Variants in DPM2 observed in about 807,000 individuals in gnomAD.
The protein encoded by DPM2 is dolichyl-phosphate mannosyltransferase subunit 2, regulatory.
A neutral mutation model predicts 12.1 loss-of-function variants in DPM2; 8 were observed. The observed-to-expected ratio is 0.66, with a 90% confidence interval of 0.39 to 1.19. The LOEUF is 1.19. Ranked by LOEUF, DPM2 falls within the 50% of genes most tolerant of loss-of-function variation. The pLI, the probability that DPM2 is intolerant of heterozygous loss-of-function variation, is 0.01. For missense variants in DPM2, 93 were observed against 102.5 expected (o/e 0.91, Z 0.40); for synonymous variants, 38 against 44.7 (o/e 0.85, Z 0.60).
Position 127,935,695 on chromosome 9 carries a change from G to C in DPM2, c.*27C>G. ...GTGCTGGAGGGGAAGCAGAGAAGGG[G>C]CTGGCAGCCTCATCCCTGCGGGACC... On this transcript the variant is annotated 3_prime_UTR_variant, in exon 4 of 4. Coordinates refer to ENST00000314392, the MANE Select transcript of DPM2 (RefSeq NM_003863.4). The C allele has an allele frequency of 6.2e-7, 1 of 1,612,458 alleles. No individual in the cohort carries two copies. The highest frequency in any genetic ancestry group is 8.5e-7 in the Non-Finnish European group (1 of 1,178,920).
intron 3 of DPM2, chr9:127,936,283 C>A (rs1267739436): frequency 7.6e-6 from 11 of 1,441,956 alleles, no homozygotes; most frequent in African/African-American, 1.4e-5. Flanking sequence ...GAATTAGAAG[C>A]CAGGGTGACA....
At chr9:127,937,751 G>T in intron 1 of DPM2, 67 bp downstream of exon 1, 1 of 1,599,450 alleles carries the variant, frequency 6.3e-7, no homozygotes, top group Admixed American at 1.7e-5. Flanking sequence ...CCATGCCCCA[G>T]CTCCTGAGCA....
At chr9:127,936,421 G>A (rs774869483) in intron 3 of DPM2, 132 bp downstream of exon 3, 22 of 1,595,588 alleles carry the variant, frequency 1.4e-5, no homozygotes, top group Non-Finnish European at 1.8e-5. Context: ...AGCCTCGAAG[G>A]ATGAACAGGA....
chr9:127,936,108 C>T (rs1049072418), intron 3 of DPM2: 4 of 625,906 alleles, frequency 6.4e-6, no homozygotes, highest in Non-Finnish European at 1.1e-5. Flanking sequence ...CTACACCTCA[C>T]CCACCCACCC....
Position 127,935,195 on chromosome 9 carries a change from GC to G in DPM2, c.*526del. The G allele has an allele frequency of 5.8e-6, 1 of 172,366 alleles. No individual in the cohort carries two copies. The highest frequency in any genetic ancestry group is 1.3e-4 in the South Asian group (1 of 7,468). The allele number at this position is 172,366 out of a possible 1,614,324, so 10.7% of individuals were successfully genotyped here. ...GTGAGGAGAGGTCAGTCGGTCAGCG[GC>G]CCGGGGTGGCTGCCCTGAGCCCCAG... On this transcript the variant is annotated 3_prime_UTR_variant, in exon 4 of 4. Coordinates refer to ENST00000314392, the MANE Select transcript of DPM2 (RefSeq NM_003863.4).
chr9:127,936,116 C>CCCAT (rs749669049), intron 3 of DPM2: 13 of 642,598 alleles, frequency 2.0e-5, no homozygotes, highest in Non-Finnish European at 3.3e-5. Flanking sequence ...CACCCACCCA[C>CCCAT]CCATCCATCC....
chr9:127,935,954 C>A, intron 3 of DPM2, 174 bp from the exon 4 acceptor site: 1 of 637,064 alleles, frequency 1.6e-6, no homozygotes, highest in Non-Finnish European at 2.8e-6. Context: ...TACTCACATT[C>A]ACTCAACAAA....
In DPM2 at chr9:127,937,416, A is replaced by T. The variant is rs1470555591; in HGVS notation, c.93+18T>A. 6.2e-7 allele frequency: 1 copy of T among 1,603,174 alleles called. No homozygotes were observed. Among genetic ancestry groups the T allele is most frequent in the Admixed American group, 1.7e-5 (1 of 59,408 alleles). ...AGGGCTCGGGGAAGGTGAGCAGCGG[A>T]CGGGGAGAATGACATACCAAGAGAA... On this transcript the variant is annotated intron_variant, in intron 2 of 3. Coordinates refer to ENST00000314392, the MANE Select transcript of DPM2 (RefSeq NM_003863.4).
Position 127,935,339 on chromosome 9 carries a change from G to A in DPM2, c.*383C>T. 1 of 305,484 alleles carries A rather than the reference G, an allele frequency of 3.3e-6. No homozygotes were observed. The highest frequency in any genetic ancestry group is 3.1e-5 in the South Asian group (1 of 32,048). The allele number at this position is 305,484 out of a possible 1,614,324, so 18.9% of individuals were successfully genotyped here. On this transcript the variant is annotated 3_prime_UTR_variant, in exon 4 of 4. Transcript: ENST00000314392. ...CCTTGGTGGAGGAAGAGAAGTCAGA[G>A]AGGTCACACATGTGGCCTTAGAACC...
At chr9:127,937,301 T>TA (rs1226423531) in intron 2 of DPM2, 133 bp downstream of exon 2, 50 of 653,140 alleles carry the variant, frequency 7.7e-5, no homozygotes, top group Non-Finnish European at 1.9e-5. Context: ...ATCTTCCTCA[T>TA]AGAGTTGTTC....
At chr9:127,937,695 G>T in intron 1 of DPM2, 123 bp downstream of exon 1, 2 of 1,369,666 alleles carry the variant, frequency 1.5e-6, no homozygotes, top group Non-Finnish European at 2.1e-6. Context: ...CCGCGTTGTC[G>T]TCCGTACAAT....
chr9:127,937,280 G>T (rs187613066), intron 2 of DPM2, 154 bp downstream of exon 2: 3 of 584,840 alleles, frequency 5.1e-6, no homozygotes, highest in Non-Finnish European at 6.1e-6. Context: ...ATAAAATGCG[G>T]TACCACTGGC....
chr9:127,936,374 C>T lies in DPM2; in HGVS notation c.196+179G>A, dbSNP rs745958634. Reference sequence around the variant, plus strand: ...AGACAGGTCATTGGAGTCCAAAAAGCCTGGGGCACCAGGAAACCCAGAGGT... The same window carrying T: ...AGACAGGTCATTGGAGTCCAAAAAGTCTGGGGCACCAGGAAACCCAGAGGT... On this transcript the variant is annotated intron_variant, in intron 3 of 3. Coordinates refer to ENST00000314392, the MANE Select transcript of DPM2 (RefSeq NM_003863.4). The T allele has an allele frequency of 1.9e-6, 3 of 1,542,560 alleles. No individual in the cohort carries two copies. The South Asian group carries it at 3.6e-5, about 19-fold the overall frequency.
intron 2 of DPM2, chr9:127,936,899 C>CA (rs1831516339): frequency 2.5e-6 from 1 of 407,500 alleles, no homozygotes; most frequent in African/African-American, 2.1e-5. Flanking sequence ...GAGAACAGGG[C>CA]ACAAGAGACC....
rs1831490608 is a variant in DPM2, at chr9:127,935,563, C to G, written c.*159G>C. The G allele has an allele frequency of 5.5e-6, 4 of 723,656 alleles. No homozygotes were observed. The highest frequency in any genetic ancestry group is 7.1e-6 in the Non-Finnish European group (3 of 424,760). 44.8% of individuals were successfully genotyped at this position (723,656 alleles called of 1,614,324 possible). A position where few individuals can be genotyped will look rare whatever the true frequency, so the allele number is the denominator to read the frequency against. On this transcript the variant is annotated 3_prime_UTR_variant, in exon 4 of 4. Transcript: ENST00000314392. ...GGAAGTGGGAGTCGGGGAGGGGGCT[C>G]CAGTCAGTCAGGTGTAAGCTCCATG...
In DPM2 at chr9:127,937,417, C is replaced by G; in HGVS notation, c.93+17G>C. 6.2e-7 allele frequency: 1 copy of G among 1,602,804 alleles called. No homozygotes were observed. Among genetic ancestry groups the G allele is most frequent in the Non-Finnish European group, 8.5e-7 (1 of 1,171,758 alleles). ...GGGCTCGGGGAAGGTGAGCAGCGGA[C>G]GGGGAGAATGACATACCAAGAGAAT... On this transcript the variant is annotated intron_variant, in intron 2 of 3. Coordinates refer to ENST00000314392, the MANE Select transcript of DPM2 (RefSeq NM_003863.4).
chr9:127,935,522 C>G lies in DPM2; in HGVS notation c.*200G>C. On this transcript the variant is annotated 3_prime_UTR_variant, in exon 4 of 4. Transcript: ENST00000314392. ...GGTGACCGGAGTCTTCCAGGTATCCCTCCCTCCTAGCTTCTGGAAGTGGGA... is the reference window on the plus strand; with the variant it reads ...GGTGACCGGAGTCTTCCAGGTATCCGTCCCTCCTAGCTTCTGGAAGTGGGA... 1.6e-6 allele frequency: 1 copy of G among 621,502 alleles called. No individual in the cohort carries two copies. The highest frequency in any genetic ancestry group is 2.8e-6 in the Non-Finnish European group (1 of 351,490). 38.5% of individuals were successfully genotyped at this position (621,502 alleles called of 1,614,324 possible). A position where few individuals can be genotyped will look rare whatever the true frequency, so the allele number is the denominator to read the frequency against.
intron 2 of DPM2, 93 bp from the exon 3 acceptor site, chr9:127,936,748 C>T: frequency 1.8e-6 from 2 of 1,136,940 alleles, no homozygotes; most frequent in Non-Finnish European, 2.3e-6. Flanking sequence ...GGGGCTGACC[C>T]ATTCAGAGGA....
At chr9:127,935,895 C>A in intron 3 of DPM2, 115 bp from the exon 4 acceptor site, 1 of 961,218 alleles carries the variant, frequency 1.0e-6, no homozygotes. Flanking sequence ...ACCCAACCAT[C>A]CTCCAGGGAA....
Sources: gnomAD v4.1 joint callset for allele counts on GRCh38, gnomAD v4.1.1 for gene constraint, MANE v1.5 for transcripts, NCBI Gene and HGNC (gene_info 2026-07-23, HGNC 2026-07-21) for gene names.